The following RARB variants were observed in gnomAD, a reference collection of about 807,000 sequenced individuals.
The protein encoded by RARB is HBV-activated protein.
A neutral mutation model predicts 51.9 loss-of-function variants in RARB; 17 were observed. The observed-to-expected ratio is 0.33, with a 90% CI of 0.22 to 0.49. RARB has a LOEUF of 0.49. RARB is among the 20% of genes least tolerant of loss of function. The pLI, the probability that RARB is intolerant of heterozygous loss-of-function variation, is 0.99. For synonymous variants in RARB, 215 were observed against 195.4 expected, an observed-to-expected ratio of 1.10 and a Z score of -0.84; for missense variants, 369 against 550.8, an observed-to-expected ratio of 0.67 and a Z score of 3.30.
exon 5 of RARB, chr3:25,174,568 G>C: frequency 7.4e-7 from 1 of 1,352,044 alleles, no homozygotes; most frequent in Non-Finnish European, 9.8e-7. Flanking sequence ...GCACCCCGTC[G>C]CCGGCAAGTA....
At chr3:25,189,602 G>A (rs1701050381) in intron 5 of RARB, among the ~76,000 whole-genome samples, 1 of 152,052 alleles carries the variant, frequency 6.6e-6, no homozygotes, top group Admixed American at 6.6e-5. Flanking sequence ...ATCCTCAGTT[G>A]TTGGGCTGGC....
intron 5 of RARB, among the ~76,000 whole-genome samples, chr3:25,201,525 G>C (rs1011252988): frequency 6.6e-6 from 1 of 152,164 alleles, no homozygotes; most frequent in African/African-American, 2.4e-5. Context: ...CAAAGGGAAT[G>C]CTTCCAGTTT....
chr3:24,975,293 C>A (rs950739977), intron 2 of RARB, among the ~76,000 whole-genome samples: 1 of 152,082 alleles, frequency 6.6e-6, no homozygotes. Flanking sequence ...ACTGTTATTT[C>A]TAAAATTAAC....
At chr3:25,394,903 A>G (rs1707074539) in intron 5 of RARB, among the ~76,000 whole-genome samples, 2 of 152,266 alleles carry the variant, frequency 1.3e-5, no homozygotes, top group South Asian at 2.1e-4. Flanking sequence ...TACACTCAAC[A>G]TTAGTATGAA....
chr3:25,362,942 T>C (rs1705995856), intron 5 of RARB, among the ~76,000 whole-genome samples: 1 of 152,136 alleles, frequency 6.6e-6, no homozygotes, highest in Admixed American at 6.5e-5. Context: ...GAACAGAGCT[T>C]AGATTTTATG....
chr3:25,420,744 T>TATGA (rs1318973065), intron 5 of RARB, among the ~76,000 whole-genome samples: 1 of 151,990 alleles, frequency 6.6e-6, no homozygotes, highest in African/African-American at 2.4e-5. Flanking sequence ...TAGATGGGTA[T>TATGA]ATGAGCAAGT....
At chr3:25,583,133 C>G (rs1327043510) in intron 5 of RARB, among the ~76,000 whole-genome samples, 1 of 152,134 alleles carries the variant, frequency 6.6e-6, no homozygotes, top group Non-Finnish European at 1.5e-5. Flanking sequence ...TCCAATCATA[C>G]CAGACAAAGT....
intron 2 of RARB, among the ~76,000 whole-genome samples, chr3:25,051,663 G>A (rs1698335630): frequency 6.6e-6 from 1 of 152,022 alleles, no homozygotes; most frequent in Non-Finnish European, 1.5e-5. Context: ...TTAGATGATA[G>A]ATAGATCAAG....
At chr3:24,887,920 G>A (rs1703294466) in intron 2 of RARB, among the ~76,000 whole-genome samples, 1 of 152,106 alleles carries the variant, frequency 6.6e-6, no homozygotes. Flanking sequence ...GATTGAGGCA[G>A]CATAACTCCA....
At chr3:24,862,634 A>G (rs1290883938) in intron 2 of RARB, among the ~76,000 whole-genome samples, 1 of 152,100 alleles carries the variant, frequency 6.6e-6, no homozygotes, top group Non-Finnish European at 1.5e-5. Flanking sequence ...TAGTCATTTC[A>G]ATTATAGGTT....
intron 3 of RARB, among the ~76,000 whole-genome samples, chr3:25,554,805 G>C (rs1041143896): frequency 6.6e-6 from 1 of 152,120 alleles, no homozygotes; most frequent in African/African-American, 2.4e-5. Context: ...TAGTCTTTTT[G>C]CTGATAGGGA....
At chr3:25,060,316 C>T (rs1328463985) in intron 3 of RARB, 1 of 151,724 alleles carries the variant, frequency 6.6e-6, no homozygotes, top group Non-Finnish European at 1.5e-5. Context: ...CACATAAAAA[C>T]CAATATTTAT....
chr3:25,192,508 T>C (rs1701127915), intron 5 of RARB, among the ~76,000 whole-genome samples: 1 of 152,132 alleles, frequency 6.6e-6, no homozygotes, highest in South Asian at 2.1e-4. Context: ...AGATAACCTA[T>C]CATGCTATTT....
At chr3:25,510,327 T>C (rs1305828341) in intron 3 of RARB, among the ~76,000 whole-genome samples, 1 of 152,070 alleles carries the variant, frequency 6.6e-6, no homozygotes, top group Non-Finnish European at 1.5e-5. Context: ...CCACATCAAA[T>C]ATTCTATAAT....
intron 5 of RARB, among the ~76,000 whole-genome samples, chr3:25,410,738 G>T (rs1308861154): frequency 6.6e-6 from 1 of 152,112 alleles, no homozygotes; most frequent in Non-Finnish European, 1.5e-5. Context: ...GTCCAGTGAC[G>T]CCATATTGTT....
intron 4 of RARB, among the ~76,000 whole-genome samples, chr3:25,132,268 C>T (rs1008167749): frequency 2.6e-5 from 4 of 151,770 alleles, no homozygotes; most frequent in South Asian, 2.1e-4. Context: ...TGTTTAATAG[C>T]AGCAATTGCT....
chr3:25,240,493 T>A (rs761652778), intron 5 of RARB, among the ~76,000 whole-genome samples: 1 of 152,142 alleles, frequency 6.6e-6, no homozygotes, highest in Non-Finnish European at 1.5e-5. Flanking sequence ...TTATATTTTG[T>A]GGTATGTTTC....
At chr3:25,504,425 G>T (rs953613968) in intron 3 of RARB, among the ~76,000 whole-genome samples, 1 of 152,176 alleles carries the variant, frequency 6.6e-6, no homozygotes, top group Non-Finnish European at 1.5e-5. Context: ...TGAACGCATT[G>T]CTTTGAGCAG....
intron 5 of RARB, among the ~76,000 whole-genome samples, chr3:25,419,809 T>G (rs1038340828): frequency 6.6e-6 from 1 of 152,212 alleles, no homozygotes; most frequent in African/African-American, 2.4e-5. Context: ...TTCCCTTTCT[T>G]TACCTCCCAT....
Sources: allele counts gnomAD v4.1 joint callset (sites outside exome capture counted in the v4.1 genomes callset), GRCh38; gene constraint gnomAD v4.1.1; transcripts MANE v1.5; gene names NCBI Gene and HGNC (gene_info 2026-07-23, HGNC 2026-07-21).